Variants in DMAP1 observed in about 807,000 individuals in gnomAD.
The protein encoded by DMAP1 is DNA methyltransferase 1-associated protein 1.
A neutral mutation model predicts 52.7 loss-of-function variants in DMAP1; 26 were observed. That is an observed-to-expected ratio of 0.49 (90% CI 0.36 to 0.68). DMAP1 has a LOEUF of 0.68. DMAP1 is among the 30% of genes least tolerant of loss of function. DMAP1 has a pLI of 0.00. For missense variants in DMAP1, 439 were observed against 625.2 expected (o/e 0.70, Z 3.18); for synonymous variants, 231 against 246.0 (o/e 0.94, Z 0.57).
In DMAP1 at chr1:44,213,772, G is replaced by C; in HGVS notation, c.19G>C (p.Val7Leu). 3.2e-6 allele frequency: 5 copies of C among 1,586,986 alleles called. No individual in the cohort carries two copies. The highest frequency in any genetic ancestry group is 4.3e-6 in the Non-Finnish European group (5 of 1,167,148). The part of the protein sequence containing the change: MATGAD[V>L]RDILELGGPE... ...AGGCGCGATGGCTACGGGCGCGGAT[G>C]TACGGGACATTCTAGAACTCGGGGG... Residue 7 changes from valine to leucine, a missense_variant, in exon 1 of 10, where the codon GTA (valine) becomes CTA (leucine). Val to Leu is a conservative substitution (Grantham distance 32, BLOSUM62 1). Transcript: ENST00000372289. This position sits in a 1 kb window ranked among gnomAD's most constrained non-coding sequence, Gnocchi z 4.5.
rs1024243475 is a variant in DMAP1 at position 44,220,288 on chromosome 1, C to G, written c.1323C>G (p.Gly441=). 1 of 1,551,810 alleles carries G rather than the reference C, an allele frequency of 6.4e-7. No individual in the cohort carries two copies. The highest frequency in any genetic ancestry group is 1.7e-4 in the Middle Eastern group (1 of 5,762). ...AGGACACCATCATTGATGTGGTGGG[C>G]GCACCCCTCACGCCCAATTCGGTAA... ...DPKDTIIDVV[G]APLTPNSRKR... The change falls in exon 9 of 10, where the codon GGC becomes GGG. Residue 441 remains glycine, a synonymous_variant. Transcript: ENST00000372289.
intron 3 of DMAP1, chr1:44,215,470 G>T: frequency 2.7e-6 from 1 of 365,516 alleles, no homozygotes; most frequent in Non-Finnish European, 5.5e-6. Flanking sequence ...AGTCCTCACA[G>T]TATTTAAATC....
rs943372569 is a variant in DMAP1 at position 44,218,546 on chromosome 1, T to C, written c.553-42T>C. 1 of 1,608,126 alleles carries C rather than the reference T, an allele frequency of 6.2e-7. No homozygotes were observed. Among genetic ancestry groups the C allele is most frequent in the Non-Finnish European group, 8.5e-7 (1 of 1,175,432 alleles). ...CTACTTTTATGCCATCTCTTCCACA[T>C]GCCCCTGAATGTTCATTCCTCTACC... On this transcript the variant is annotated intron_variant, in intron 4 of 9. Coordinates refer to ENST00000372289, the MANE Select transcript of DMAP1 (RefSeq NM_019100.5). The surrounding 1 kb of genome is among the most constrained non-coding windows in gnomAD (Gnocchi z 5.6).
intron 7 of DMAP1, 44 bp from the exon 8 acceptor site, chr1:44,219,762 C>A (rs1220205951): frequency 6.2e-7 from 1 of 1,610,208 alleles, no homozygotes; most frequent in Admixed American, 1.7e-5. Context: ...CATCCTAAGC[C>A]TCTTGTGGCT....
intron 9 of DMAP1, 44 bp downstream of exon 9, chr1:44,220,353 G>A: frequency 6.6e-7 from 1 of 1,521,954 alleles, no homozygotes; most frequent in East Asian, 2.3e-5. Flanking sequence ...GGCCCTGCGA[G>A]TGAGCACATG....
At chr1:44,216,288 G>A (rs990657327) in intron 3 of DMAP1, 1 of 151,916 alleles carries the variant, frequency 6.6e-6, no homozygotes, top group African/African-American at 2.4e-5. Flanking sequence ...GGAGTGCAGT[G>A]GTGTGATCTC....
chr1:44,213,573 C>T lies in DMAP1; in HGVS notation c.-181C>T. ...AGGTGGCTGAAGGGGCCGTTAGGAA[C>T]ATCCAAGCGGTGGGGCACAGGCAGA... is the stretch of plus-strand genomic sequence containing the variant. On this transcript the variant is annotated 5_prime_UTR_variant, in exon 1 of 10. Transcript: ENST00000372289. The surrounding 1 kb of genome is among the most constrained non-coding windows in gnomAD (Gnocchi z 4.5). The T allele has an allele frequency of 1.8e-6, 1 of 549,828 alleles. No individual in the cohort carries two copies. Among genetic ancestry groups the T allele is most frequent in the Non-Finnish European group, 3.2e-6 (1 of 308,964 alleles). 34.1% of individuals were successfully genotyped at this position (549,828 alleles called of 1,614,324 possible).
Position 44,219,878 on chromosome 1 carries a change from G to GGTGA in DMAP1, c.1051+4_1051+7dup, listed in dbSNP as rs1182945427. The GGTGA allele has an allele frequency of 6.2e-7, 1 of 1,614,038 alleles. No individual in the cohort carries two copies. The highest frequency in any genetic ancestry group is 1.7e-5 in the Admixed American group (1 of 60,006). ...ACAGATGCTGCTGGAGCTTGGTGTG[G>GGTGA]GTGAGTGTGGGGACTGGGCCCCATA... On this transcript the variant is annotated frameshift_variant and splice_region_variant. Coordinates refer to ENST00000372289, the MANE Select transcript of DMAP1 (RefSeq NM_019100.5). LOFTEE classifies it high-confidence loss of function.
At chr1:44,215,437 T>C (rs1643771983) in intron 3 of DMAP1, 2 of 431,996 alleles carry the variant, frequency 4.6e-6, no homozygotes, top group African/African-American at 2.0e-5. Flanking sequence ...TGGGGGATCG[T>C]CCTTGACTTA....
Position 44,219,006 on chromosome 1 carries a change from C to A in DMAP1, c.721-50C>A, listed in dbSNP as rs1479495579. On this transcript the variant is annotated intron_variant, in intron 5 of 9. Transcript: ENST00000372289. ...AGCACCCTGTCACCTCCGTGTCTAC[C>A]CTCACTCCTAGAAGTGCCCTCACAC... is the stretch of plus-strand genomic sequence containing the variant. 3 of 1,601,136 alleles carry A rather than the reference C, an allele frequency of 1.9e-6. 1 individual carries two copies. The highest frequency in any genetic ancestry group is 8.5e-7 in the Non-Finnish European group (1 of 1,172,168).
At position 44,214,868 on chromosome 1, in the gene DMAP1, C is replaced by T; in HGVS notation, c.363C>T (p.Gly121=). Residue 121 remains glycine, a synonymous_variant, in exon 3 of 10, where the codon GGC becomes GGT. Transcript: ENST00000372289. The stretch of plus-strand genomic sequence containing the variant: ...ACTGGCGACGTGCAGCGGAGGAGGG[C>T]AAGGACTACCCCTTTGCCAGGTTCA... ...FFHWRRAAEE[G]KDYPFARFNK... 2 of 1,614,214 alleles carry T rather than the reference C, an allele frequency of 1.2e-6. No homozygotes were observed. The highest frequency in any genetic ancestry group is 1.7e-6 in the Non-Finnish European group (2 of 1,180,036).
Position 44,214,692 on chromosome 1 carries a change from C to T in DMAP1, c.198-11C>T. 6.2e-7 allele frequency: 1 copy of T among 1,611,200 alleles called. No homozygotes were observed. Among genetic ancestry groups the T allele is most frequent in the Admixed American group, 1.7e-5 (1 of 59,956 alleles). ...ATTCTAACCTCGCATCTCCCTAAAC[C>T]TCCCTGCCAGGGATGCACCCCCACT... On this transcript the variant is annotated splice_polypyrimidine_tract_variant and intron_variant, in intron 2 of 9. Transcript: ENST00000372289.
Position 44,213,816 on chromosome 1 carries a change from C to G in DMAP1, c.63C>G (p.Ala21=). Residue 21 remains alanine, a synonymous_variant, in exon 1 of 10, where the codon GCC becomes GCG. Transcript: ENST00000372289. This position sits in a 1 kb window ranked among gnomAD's most constrained non-coding sequence, Gnocchi z 4.5. ...TCGGGGGTCCAGAAGGGGATGCAGC[C>G]TCTGGGACCATCAGCAAGAAGGACA... ...LELGGPEGDA[A]SGTISKKDII... 1 of 1,596,534 alleles carries G rather than the reference C, an allele frequency of 6.3e-7. No homozygotes were observed.
At chr1:44,217,673 A>C in intron 3 of DMAP1, 1 of 164,182 alleles carries the variant, frequency 6.1e-6, no homozygotes, top group Non-Finnish European at 1.4e-5. Context: ...TGTGGTCTTT[A>C]ACTGAGAAGA....
rs371798117 is a variant in DMAP1, at chr1:44,220,426, G to A, written c.1344+117G>A. ...CAGCAGGAACGATCATCACTTCTGT[G>A]CGAGTCTGAGACTGAGGGTAGGAGT... On this transcript the variant is annotated intron_variant, in intron 9 of 9. Transcript: ENST00000372289. 85 of 1,560,354 alleles carry A rather than the reference G, an allele frequency of 5.4e-5. 2 individuals are homozygous for A. The highest frequency in any genetic ancestry group is 4.6e-4 in the East Asian group (20 of 43,180).
chr1:44,220,172 G>A lies in DMAP1; in HGVS notation c.1207G>A (p.Val403Met). ...TCATGAGGCACTGGCCCGGGCTGGTGTGCTAGGGGGCCCTGCCACACCAGC... is the reference window on the plus strand; with the variant it reads ...TCATGAGGCACTGGCCCGGGCTGGTATGCTAGGGGGCCCTGCCACACCAGC... ...HRHEALARAG[V>M]LGGPATPASG... is the part of the protein sequence containing the mutation. The change falls in exon 9 of 10, where the codon GTG becomes ATG. Residue 403 changes from valine (V) to methionine (M), a missense_variant. Physicochemically the swap from Val to Met is conservative, Grantham distance 21. Around this residue, in one of 3 missense-constraint regions of DMAP1, gnomAD observed 179 missense variants for 285.9 expected, o/e 0.63. Coordinates refer to ENST00000372289, the MANE Select transcript of DMAP1 (RefSeq NM_019100.5). The A allele has an allele frequency of 1.2e-6, 2 of 1,608,920 alleles. 1 individual carries two copies. The highest frequency in any genetic ancestry group is 3.3e-4 in the Middle Eastern group (2 of 6,050).
Position 44,218,029 on chromosome 1 carries a change from C to T in DMAP1, c.394-282C>T, listed in dbSNP as rs533327464. The T allele has an allele frequency of 3.4e-5, 18 of 522,442 alleles. No individual in the cohort carries two copies. The highest frequency in any genetic ancestry group is 5.2e-5 in the Non-Finnish European group (15 of 286,908). The allele number at this position is 522,442 out of a possible 1,614,324, so 32.4% of individuals were successfully genotyped here. A position where few individuals can be genotyped will look rare whatever the true frequency, so the allele number is the denominator to read the frequency against. On this transcript the variant is annotated intron_variant, in intron 3 of 9. Transcript: ENST00000372289. The surrounding 1 kb of genome is among the most constrained non-coding windows in gnomAD (Gnocchi z 5.6). The stretch of plus-strand genomic sequence containing the variant: ...CTCCACAGAAGCACTTACATGTGGG[C>T]CCCTCACCTTAACTATGGGGGCAGG...
Position 44,213,883 on chromosome 1 carries a change from G to A in DMAP1, c.105+25G>A. On this transcript the variant is annotated intron_variant, in intron 1 of 9. Coordinates refer to ENST00000372289, the MANE Select transcript of DMAP1 (RefSeq NM_019100.5). The surrounding 1 kb of genome is among the most constrained non-coding windows in gnomAD (Gnocchi z 4.5). ...GGTAGCAGGGGCACCTGAAAGCGTT[G>A]ACTAGGGGAGGGTAGGGGAGTGAAG... The A allele has an allele frequency of 6.4e-7, 1 of 1,560,446 alleles. No individual in the cohort carries two copies. The highest frequency in any genetic ancestry group is 1.2e-5 in the South Asian group (1 of 84,610).
intron 3 of DMAP1, 140 bp downstream of exon 3, chr1:44,215,038 ATGCATGCAGAGTAGG>A: frequency 1.0e-6 from 1 of 952,758 alleles, no homozygotes; most frequent in South Asian, 1.4e-5. Flanking sequence ...CTCGTGGCAA[ATGCATGCAGAGTAGG>A]ACTCTGTGGG....
Sources: gnomAD v4.1 joint callset for allele counts on GRCh38, gnomAD v4.1.1 for gene constraint, gnomAD v4.1.1 regional missense constraint, Gnocchi (gnomAD v3.1) non-coding constraint, MANE v1.5 for transcripts, NCBI Gene and HGNC (gene_info 2026-07-23, HGNC 2026-07-21) for gene names.